EVL: variants seen among roughly 807,000 people sequenced by gnomAD.
The protein encoded by EVL is Enah/Vasp-like, also known as ena/VASP-like protein.
A neutral mutation model predicts 59.6 loss-of-function variants in EVL; 21 were observed. The ratio of observed to expected loss-of-function variants is 0.35; its 90% CI spans 0.25 to 0.51. EVL has a LOEUF of 0.51. Ranked by LOEUF, EVL falls within the 20% of genes least tolerant of loss-of-function variation. The pLI, the probability that EVL is intolerant of heterozygous loss-of-function variation, is 0.97. For missense variants in EVL, 462 were observed against 546.6 expected, an observed-to-expected ratio of 0.85 and a Z score of 1.54; for synonymous variants, 198 against 203.5, an observed-to-expected ratio of 0.97 and a Z score of 0.23.
intron 1 of EVL, among the ~76,000 whole-genome samples, chr14:100,034,630 A>C (rs2061362281): frequency 6.6e-6 from 1 of 152,056 alleles, no homozygotes; most frequent in African/African-American, 2.4e-5. Context: ...CCAGCTAATC[A>C]GGAGGCTGAG....
chr14:100,140,781 C>T (rs911987205), intron 11 of EVL: 8 of 165,546 alleles, frequency 4.8e-5, no homozygotes, highest in African/African-American at 1.5e-4. Flanking sequence ...GCTGCTTCCC[C>T]GAGCCCCAAG....
chr14:99,985,978 C>CT (rs2060837447), intron 1 of EVL, among the ~76,000 whole-genome samples: 2 of 151,930 alleles, frequency 1.3e-5, no homozygotes, highest in African/African-American at 4.8e-5. Context: ...ACCTTGGAGC[C>CT]TCTTTGCTGA....
intron 1 of EVL, among the ~76,000 whole-genome samples, chr14:100,008,447 A>G (rs2060997169): frequency 6.6e-6 from 1 of 152,142 alleles, no homozygotes; most frequent in Admixed American, 6.5e-5. Context: ...TAGGTCACTT[A>G]CCATATTAAT....
chr14:100,078,415 A>T (rs567227029), intron 1 of EVL, among the ~76,000 whole-genome samples: 4 of 152,192 alleles, frequency 2.6e-5, no homozygotes, highest in Non-Finnish European at 5.9e-5. Flanking sequence ...GAATGAGGAC[A>T]TAGCAGTGCC....
chr14:99,983,872 A>G (rs2060824035), intron 1 of EVL, among the ~76,000 whole-genome samples: 1 of 152,096 alleles, frequency 6.6e-6, no homozygotes, highest in South Asian at 2.1e-4. Flanking sequence ...CCTTTGTGAT[A>G]TCCCATATTT....
At chr14:99,986,290 CAAAAAAAAA>C (rs3072366) in intron 1 of EVL, among the ~76,000 whole-genome samples, 1 of 78,482 alleles carries the variant, frequency 1.3e-5, no homozygotes. Context: ...GACTCTGTCT[CAAAAAAAAA>C]AAAAAAAAAA....
intron 1 of EVL, among the ~76,000 whole-genome samples, chr14:100,049,343 G>A (rs1031292715): frequency 1.3e-5 from 2 of 152,196 alleles, no homozygotes; most frequent in African/African-American, 2.4e-5. Flanking sequence ...TCAAGTTCAA[G>A]GAATTGCCTG....
At chr14:99,994,168 C>T (rs1218561215) in intron 1 of EVL, among the ~76,000 whole-genome samples, 1 of 100,808 alleles carries the variant, frequency 9.9e-6, no homozygotes, top group African/African-American at 4.0e-5. Context: ...GTCTTAAGAT[C>T]TACAGTGGAT....
At chr14:100,135,721 T>G (rs559138520) in intron 8 of EVL, 184 bp from the exon 9 acceptor site, 2 of 579,400 alleles carry the variant, frequency 3.5e-6, no homozygotes, top group Admixed American at 2.8e-5. Context: ...GTCCACTGGC[T>G]CGATTCTCTC....
intron 1 of EVL, among the ~76,000 whole-genome samples, chr14:99,985,877 CA>C (rs2140174031): frequency 6.6e-6 from 1 of 152,210 alleles, no homozygotes; most frequent in South Asian, 2.1e-4. Flanking sequence ...AGTCCTTTAG[CA>C]ATTTAGATCT....
intron 1 of EVL, among the ~76,000 whole-genome samples, chr14:100,004,511 A>G (rs1386060169): frequency 6.6e-6 from 1 of 152,084 alleles, no homozygotes; most frequent in Non-Finnish European, 1.5e-5. Context: ...CTCAGTCTCT[A>G]GAAAGACCAT....
intron 1 of EVL, among the ~76,000 whole-genome samples, chr14:100,047,118 CTTTTTTT>C (rs869205625): frequency 2.5e-4 from 6 of 23,892 alleles, no homozygotes; most frequent in African/African-American, 5.5e-4. Flanking sequence ...ATCTCTCTCT[CTTTTTTT>C]TTTTTTTTTT....
At chr14:100,019,549 G>A in intron 1 of EVL, 2 of 822,932 alleles carry the variant, frequency 2.4e-6, no homozygotes, top group South Asian at 1.9e-5. Flanking sequence ...AATATTGGGG[G>A]GTGTGGAAAC....
intron 1 of EVL, among the ~76,000 whole-genome samples, chr14:99,986,587 T>G (rs1323100515): frequency 6.6e-6 from 1 of 152,228 alleles, no homozygotes; most frequent in Non-Finnish European, 1.5e-5. Context: ...TGAGGCAGCA[T>G]GACTGTGAAG....
intron 1 of EVL, among the ~76,000 whole-genome samples, chr14:100,049,884 A>T (rs953148633): frequency 2.0e-5 from 3 of 152,164 alleles, no homozygotes; most frequent in African/African-American, 7.2e-5. Flanking sequence ...TTTATATCGT[A>T]TACATGGAAT....
intron 9 of EVL, among the ~76,000 whole-genome samples, chr14:100,136,769 CTGATGAACG>C: frequency 6.6e-6 from 1 of 152,292 alleles, no homozygotes; most frequent in East Asian, 1.9e-4. Context: ...AGGTTCCTGG[CTGATGAACG>C]TGATCAATAC....
At chr14:100,143,073 G>C (rs1889288888) in intron 13 of EVL, among the ~76,000 whole-genome samples, 1 of 152,224 alleles carries the variant, frequency 6.6e-6, no homozygotes, top group Non-Finnish European at 1.5e-5. Flanking sequence ...AGAGGAGGGG[G>C]AGTCCGGGAG....
At chr14:99,981,634 A>G (rs1232357151) in intron 1 of EVL, among the ~76,000 whole-genome samples, 1 of 152,210 alleles carries the variant, frequency 6.6e-6, no homozygotes, top group African/African-American at 2.4e-5. Flanking sequence ...TAAGAAAGCA[A>G]GTCACATGAA....
chr14:100,132,404 G>A (rs966639304), intron 7 of EVL, among the ~76,000 whole-genome samples: 3 of 152,174 alleles, frequency 2.0e-5, no homozygotes, highest in Admixed American at 6.5e-5. Context: ...GGGACAGAGC[G>A]TGCCCGCCTC....
Sources: allele counts gnomAD v4.1 joint callset (sites outside exome capture counted in the v4.1 genomes callset), GRCh38; gene constraint gnomAD v4.1.1; transcripts MANE v1.5; gene names NCBI Gene and HGNC (gene_info 2026-07-23, HGNC 2026-07-21).